Variants in VWA8 observed in about 807,000 individuals in gnomAD.
VWA8 encodes the protein von Willebrand factor A domain containing 8.
A neutral mutation model predicts 241.5 loss-of-function variants in VWA8; 221 were observed. That is an observed-to-expected ratio of 0.91 (90% CI 0.82 to 1.02). The LOEUF (loss-of-function observed/expected upper bound fraction) is 1.02. Ranked by LOEUF, VWA8 falls within the 50% of genes least tolerant of loss-of-function variation. The probability of loss-of-function intolerance (pLI) is 0.00; values close to 1 mark genes in which losing one functional copy is unlikely to be tolerated. For synonymous variants in VWA8, 852 were observed against 827.1 expected (o/e 1.03, Z -0.52); for missense variants, 2,322 against 2,328.7 (o/e 1.00, Z 0.06).
At position 41,568,198 on chromosome 13, in the gene VWA8, T is replaced by TA. The variant is rs752287123; in HGVS notation, c.5716dup (p.Ter1906LeufsTer14). 7 of 1,612,992 alleles carry TA rather than the reference T, an allele frequency of 4.3e-6. No homozygotes were observed. In the African/African-American group the frequency reaches 9.3e-5, roughly 22 times the overall value. On this transcript the variant is annotated frameshift_variant and stop_lost, in exon 45 of 45. Coordinates refer to ENST00000379310, the MANE Select transcript of VWA8 (RefSeq NM_015058.2). LOFTEE classifies it high-confidence loss of function. The stretch of plus-strand genomic sequence containing the variant: ...CATCAGGGTGATGAAGGGCACTTCT[T>TA]AGACACTCGACAACATGGTGGAGGT...
At chr13:41,722,953 T>C (rs946507234) in intron 24 of VWA8, among the ~76,000 whole-genome samples, 1 of 152,086 alleles carries the variant, frequency 6.6e-6, no homozygotes, top group African/African-American at 2.4e-5. Flanking sequence ...CTGCAAACTG[T>C]TGTAAATACT....
At chr13:41,812,319 C>T (rs1870507614) in intron 16 of VWA8, among the ~76,000 whole-genome samples, 1 of 152,074 alleles carries the variant, frequency 6.6e-6, no homozygotes. Context: ...TTATTACTGG[C>T]CTAATTCCTA....
intron 17 of VWA8, among the ~76,000 whole-genome samples, chr13:41,803,875 C>T (rs1479095279): frequency 6.6e-6 from 1 of 152,066 alleles, no homozygotes; most frequent in Non-Finnish European, 1.5e-5. Flanking sequence ...AATTCTGGAG[C>T]TGAAAAATTC....
chr13:41,849,447 A>G (rs1872430532), intron 12 of VWA8, among the ~76,000 whole-genome samples: 1 of 152,246 alleles, frequency 6.6e-6, no homozygotes, highest in East Asian at 1.9e-4. Context: ...AGATATATCT[A>G]TAAGATATGT....
At chr13:41,953,321 T>C (rs1052944465) in intron 1 of VWA8, among the ~76,000 whole-genome samples, 3 of 152,244 alleles carry the variant, frequency 2.0e-5, no homozygotes, top group African/African-American at 7.2e-5. Flanking sequence ...ATATTCTATT[T>C]ATTATTTATT....
intron 4 of VWA8, among the ~76,000 whole-genome samples, chr13:41,893,280 G>C (rs377511669): frequency 2.0e-5 from 3 of 152,068 alleles, no homozygotes; most frequent in Admixed American, 6.5e-5. Context: ...GTATAGTAGA[G>C]CTTAGTTTAT....
chr13:41,689,365 G>A lies in VWA8; in HGVS notation c.4120C>T (p.Pro1374Ser), dbSNP rs200321917. 4.4e-6 allele frequency: 7 copies of A among 1,608,714 alleles called. No individual in the cohort carries two copies. In the East Asian group the frequency reaches 1.3e-4, roughly 31 times the overall value. Residue 1374 changes from proline to serine, a missense_variant, in exon 34 of 45, where the codon CCA becomes TCA. By Grantham distance (74) the Pro-to-Ser change is moderately conservative. Transcript: ENST00000379310. ...AAATGGGTGCTTACCATGAGATCTGGAAAACCAACAACTATTGTAGCATAA... is the reference window on the plus strand; with the variant it reads ...AAATGGGTGCTTACCATGAGATCTGAAAAACCAACAACTATTGTAGCATAA... ...KNYATIVVGF[P>S]DLMSPSEVYS...
chr13:41,593,410 T>C (rs767141686), intron 40 of VWA8, among the ~76,000 whole-genome samples: 4 of 152,144 alleles, frequency 2.6e-5, no homozygotes, highest in Non-Finnish European at 5.9e-5. Flanking sequence ...AGCATAGCTA[T>C]CATGTAAAAC....
intron 20 of VWA8, among the ~76,000 whole-genome samples, chr13:41,775,452 T>C (rs1868549133): frequency 6.6e-6 from 1 of 152,202 alleles, no homozygotes; most frequent in Admixed American, 6.5e-5. Flanking sequence ...CACAGATGGC[T>C]TTTGCAAAAT....
At position 41,719,758 on chromosome 13, in the gene VWA8, A is replaced by C; in HGVS notation, c.2965-16T>G. On this transcript the variant is annotated splice_polypyrimidine_tract_variant and intron_variant, in intron 25 of 44. Coordinates refer to ENST00000379310, the MANE Select transcript of VWA8 (RefSeq NM_015058.2). ...TCGGAAATTTCTGTATTAAAAAAAA[A>C]TTCCCTTATTATGCATGTGATAAAA... is the stretch of plus-strand genomic sequence containing the variant. 1 of 1,601,604 alleles carries C rather than the reference A, an allele frequency of 6.2e-7. No homozygotes were observed. Among genetic ancestry groups the C allele is most frequent in the Non-Finnish European group, 8.5e-7 (1 of 1,173,576 alleles).
At chr13:41,689,535 T>G in intron 33 of VWA8, 27 bp from the exon 34 acceptor site, 1 of 1,552,294 alleles carries the variant, frequency 6.4e-7, no homozygotes, top group Non-Finnish European at 8.7e-7. Context: ...TTAGACACCA[T>G]ATGCTCCTGA....
intron 14 of VWA8, 59 bp downstream of exon 14, chr13:41,830,470 A>G (rs977844827): frequency 5.1e-6 from 7 of 1,382,192 alleles, no homozygotes; most frequent in African/African-American, 1.5e-5. Context: ...AAAATCATAA[A>G]AAGTATTATT....
intron 20 of VWA8, among the ~76,000 whole-genome samples, chr13:41,762,090 A>G (rs1157927060): frequency 1.3e-5 from 2 of 152,040 alleles, no homozygotes; most frequent in African/African-American, 4.8e-5. Context: ...TTGAGCACCA[A>G]CAAGATGTGC....
intron 42 of VWA8, among the ~76,000 whole-genome samples, chr13:41,584,142 T>C (rs1394877835): frequency 6.6e-6 from 1 of 152,208 alleles, no homozygotes; most frequent in African/African-American, 2.4e-5. Flanking sequence ...CACATGGGTT[T>C]TACTTTTCTT....
intron 35 of VWA8, among the ~76,000 whole-genome samples, chr13:41,680,987 C>A (rs1017410877): frequency 6.6e-6 from 1 of 152,216 alleles, no homozygotes. Context: ...CCAACTAGTT[C>A]CCAACTCCGG....
intron 37 of VWA8, among the ~76,000 whole-genome samples, chr13:41,629,969 A>T (rs1486068781): frequency 6.6e-6 from 1 of 152,216 alleles, no homozygotes; most frequent in African/African-American, 2.4e-5. Flanking sequence ...ATAGCTACAA[A>T]TTATACTGTA....
At chr13:41,641,100 T>C (rs2044792621) in intron 37 of VWA8, among the ~76,000 whole-genome samples, 1 of 152,192 alleles carries the variant, frequency 6.6e-6, no homozygotes, top group East Asian at 1.9e-4. Flanking sequence ...AAATTACCCT[T>C]GTTTTGCTTC....
At chr13:41,898,516 A>G (rs1593854710) in intron 4 of VWA8, among the ~76,000 whole-genome samples, 1 of 152,352 alleles carries the variant, frequency 6.6e-6, no homozygotes, top group East Asian at 1.9e-4. Flanking sequence ...AGCTGGCTTC[A>G]CCCAGTGGAT....
At chr13:41,635,605 G>A (rs1003177965) in intron 37 of VWA8, among the ~76,000 whole-genome samples, 1 of 152,118 alleles carries the variant, frequency 6.6e-6, no homozygotes, top group East Asian at 1.9e-4. Context: ...AATGAGACCT[G>A]GTTCTGCACT....
Sources: allele counts gnomAD v4.1 joint callset (sites outside exome capture counted in the v4.1 genomes callset), GRCh38; gene constraint gnomAD v4.1.1; transcripts MANE v1.5; gene names NCBI Gene and HGNC (gene_info 2026-07-23, HGNC 2026-07-21).